VPS41: variants seen among roughly 807,000 people sequenced by gnomAD.
VPS41 encodes VPS41 subunit of HOPS complex.
VPS41 carries 85 observed loss-of-function variants against 130.9 expected under a neutral mutation model. The ratio of observed to expected loss-of-function variants is 0.65; its 90% CI spans 0.55 to 0.78. The LOEUF (loss-of-function observed/expected upper bound fraction) is 0.78. VPS41 is among the 30% of genes least tolerant of loss of function. VPS41 has a pLI of 0.00. For missense variants in VPS41, 874 were observed against 1,018.7 expected (o/e 0.86, Z 1.93); for synonymous variants, 335 against 332.9 (o/e 1.01, Z -0.07).
rs373410420 is a variant in VPS41, at chr7:38,740,338, TACTGAAAACACTTTC to T, written c.2259+1632_2259+1646del. Among the ~76,000 whole-genome samples, 671 of 152,286 alleles carry T rather than the reference TACTGAAAACACTTTC, an allele frequency of 4.4e-3. 4 individuals are homozygous for T. The highest frequency in any genetic ancestry group is 0.016 in the African/African-American group (646 of 41,570). On this transcript the variant is annotated intron_variant, in intron 25 of 28. Transcript: ENST00000310301. The stretch of plus-strand genomic sequence containing the variant: ...ACACTCAGAGGCTTATAAGTTCTGA[TACTGAAAACACTTTC>T]ACCAAAGCCCAATCTGACCTTCAAA...
At chr7:38,754,319 G>T (rs900791930) in intron 21 of VPS41, among the ~76,000 whole-genome samples, 2 of 152,076 alleles carry the variant, frequency 1.3e-5, no homozygotes, top group African/African-American at 2.4e-5. Flanking sequence ...ATATGCCATG[G>T]TTATATTTAA....
chr7:38,832,874 C>A (rs1277457565), intron 4 of VPS41, among the ~76,000 whole-genome samples: 1 of 152,126 alleles, frequency 6.6e-6, no homozygotes, highest in African/African-American at 2.4e-5. Context: ...CCAGGCAGGG[C>A]CTCTCCCTAT....
At chr7:38,803,817 GC>G (rs1276105087) in intron 7 of VPS41, among the ~76,000 whole-genome samples, 1 of 152,222 alleles carries the variant, frequency 6.6e-6, no homozygotes, top group Non-Finnish European at 1.5e-5. Context: ...CCCATATGGA[GC>G]AGGTAAGTGT....
intron 25 of VPS41, among the ~76,000 whole-genome samples, chr7:38,737,668 G>A (rs925694261): frequency 1.3e-5 from 2 of 152,152 alleles, no homozygotes; most frequent in African/African-American, 4.8e-5. Flanking sequence ...TCTGCCAAGT[G>A]TAAAAGGATA....
intron 10 of VPS41, among the ~76,000 whole-genome samples, chr7:38,789,191 T>C (rs115455043): frequency 0.022 from 3,392 of 152,090 alleles, 51 homozygotes; most frequent in African/African-American, 0.047. Context: ...AAGATACAAA[T>C]GGTGAGCAAA....
At chr7:38,774,365 C>CT in intron 11 of VPS41, 121 bp from the exon 12 acceptor site, 5 of 868,210 alleles carry the variant, frequency 5.8e-6, no homozygotes, top group South Asian at 3.6e-5. Context: ...ATACCCAAGA[C>CT]TGGGTAATTT....
At chr7:38,745,476 T>C in intron 23 of VPS41, 83 bp downstream of exon 23, 1 of 1,144,118 alleles carries the variant, frequency 8.7e-7, no homozygotes, top group East Asian at 2.4e-5. Context: ...GTCTAAAACC[T>C]ATGTCCTTTC....
At chr7:38,881,645 T>A (rs1420829754) in intron 2 of VPS41, among the ~76,000 whole-genome samples, 1 of 152,152 alleles carries the variant, frequency 6.6e-6, no homozygotes, top group Non-Finnish European at 1.5e-5. Flanking sequence ...TAAATATTGA[T>A]CCCTGTGAGG....
intron 25 of VPS41, among the ~76,000 whole-genome samples, chr7:38,735,405 T>C (rs1480955636): frequency 6.6e-6 from 1 of 152,136 alleles, no homozygotes; most frequent in African/African-American, 2.4e-5. Context: ...CTGCAGCAAA[T>C]GCAAATTTGG....
chr7:38,831,130 TAGTTTACTTATTCAGATCTTG>T, intron 4 of VPS41: 1 of 458,022 alleles, frequency 2.2e-6, no homozygotes, highest in East Asian at 7.0e-5. Flanking sequence ...CTTCTGTTAA[TAGTTTACTTATTCAGATCTTG>T]AGTTCATCAA....
chr7:38,766,358 G>A (rs1009529239), intron 15 of VPS41, among the ~76,000 whole-genome samples: 3 of 152,098 alleles, frequency 2.0e-5, no homozygotes, highest in Admixed American at 2.0e-4. Context: ...CTGGGGTCTA[G>A]TCACTTCTAT....
chr7:38,779,327 T>G (rs1435986524), intron 10 of VPS41, among the ~76,000 whole-genome samples: 2 of 152,212 alleles, frequency 1.3e-5, no homozygotes, highest in East Asian at 3.8e-4. Context: ...AACTAAATTA[T>G]GTCTTTCTTT....
chr7:38,827,218 A>T (rs1005994979), intron 5 of VPS41, among the ~76,000 whole-genome samples: 1 of 152,220 alleles, frequency 6.6e-6, no homozygotes, highest in African/African-American at 2.4e-5. Context: ...TGCAATAAAA[A>T]TCTACTCCAG....
At chr7:38,756,235 C>CACACACACACAT (rs1489154383) in intron 19 of VPS41, among the ~76,000 whole-genome samples, 2 of 151,832 alleles carry the variant, frequency 1.3e-5, no homozygotes, top group East Asian at 3.9e-4. Context: ...CACACACACA[C>CACACACACACAT]ACACACACAC....
chr7:38,906,783 T>TA (rs1787278157), intron 1 of VPS41, among the ~76,000 whole-genome samples: 1 of 152,116 alleles, frequency 6.6e-6, no homozygotes, highest in Non-Finnish European at 1.5e-5. Flanking sequence ...CTTCATAAAG[T>TA]AAAAAAACTA....
chr7:38,772,068 G>A (rs1222659957), intron 13 of VPS41, among the ~76,000 whole-genome samples: 1 of 151,814 alleles, frequency 6.6e-6, no homozygotes, highest in East Asian at 1.9e-4. Flanking sequence ...GCGATATTGG[G>A]CATTATCTAT....
intron 2 of VPS41, 135 bp downstream of exon 2, chr7:38,897,956 T>TATTTTTA: frequency 3.2e-6 from 2 of 615,696 alleles, no homozygotes; most frequent in Non-Finnish European, 5.6e-6. Flanking sequence ...TAAAAGCTCT[T>TATTTTTA]CCCCAAGGCT....
At chr7:38,884,635 G>A (rs912998290) in intron 2 of VPS41, among the ~76,000 whole-genome samples, 1 of 152,142 alleles carries the variant, frequency 6.6e-6, no homozygotes, top group Admixed American at 6.5e-5. Context: ...GATTACAAGT[G>A]TGAGCCACTG....
chr7:38,760,155 C>T (rs1440243604), intron 17 of VPS41, among the ~76,000 whole-genome samples: 1 of 152,188 alleles, frequency 6.6e-6, no homozygotes, highest in Non-Finnish European at 1.5e-5. Flanking sequence ...CGACTTTAGA[C>T]TTCATGTTTT....
Sources: allele counts gnomAD v4.1 joint callset (sites outside exome capture counted in the v4.1 genomes callset), GRCh38; gene constraint gnomAD v4.1.1; transcripts MANE v1.5; gene names NCBI Gene and HGNC (gene_info 2026-07-23, HGNC 2026-07-21).